Variants in DZIP3 observed in about 807,000 individuals in gnomAD.
The protein encoded by DZIP3 is DAZ interacting zinc finger protein 3.
DZIP3 carries 118 observed loss-of-function variants against 162.0 expected under a neutral mutation model. The ratio of observed to expected loss-of-function variants is 0.73; its 90% CI spans 0.63 to 0.85. The LOEUF (loss-of-function observed/expected upper bound fraction) is 0.85, where lower values mean the gene tolerates loss of function less well. DZIP3 is among the 40% of genes least tolerant of loss of function. The pLI is 0.00. For synonymous variants in DZIP3, 438 were observed against 458.6 expected (o/e 0.96, Z 0.57); for missense variants, 1,331 against 1,407.0 (o/e 0.95, Z 0.86).
chr3:108,636,506 C>A, intron 10 of DZIP3, 110 bp from the exon 11 acceptor site: 1 of 613,946 alleles, frequency 1.6e-6, no homozygotes, highest in South Asian at 2.8e-5. Flanking sequence ...TCACATCTTC[C>A]AGTTTACTGT....
Position 108,679,895 on chromosome 3 carries a change from A to G in DZIP3, c.2883+2297A>G, listed in dbSNP as rs577808952. ...GTTCCCAGTTTAACCCAGTAATTCT[A>G]TGTGTTTCATTGTATCTTGATTTTT... On this transcript the variant is annotated intron_variant, in intron 26 of 32. Coordinates refer to ENST00000361582, the MANE Select transcript of DZIP3 (RefSeq NM_014648.4). Among the ~76,000 whole-genome samples the G allele has an allele frequency of 1.4e-4, 22 of 152,188 alleles. No homozygotes were observed. In the East Asian group the frequency reaches 2.5e-3, roughly 17 times the overall value.
At chr3:108,652,113 T>G (rs1302998268) in intron 18 of DZIP3, among the ~76,000 whole-genome samples, 1 of 151,624 alleles carries the variant, frequency 6.6e-6, no homozygotes, top group Admixed American at 6.6e-5. Flanking sequence ...TGAAACAATG[T>G]CATCAATCAC....
Position 108,651,182 on chromosome 3 carries a change from A to AT in DZIP3, c.2033+25dup. ...CCAAGTGTAAGTATTAGTTTATTTA[A>AT]TTTTTAAATTTTTCTTAGTATTTTT... is the stretch of plus-strand genomic sequence containing the variant. On this transcript the variant is annotated intron_variant, in intron 18 of 32. Coordinates refer to ENST00000361582, the MANE Select transcript of DZIP3 (RefSeq NM_014648.4). 1 of 708,942 alleles carries AT rather than the reference A, an allele frequency of 1.4e-6. No homozygotes were observed. Among genetic ancestry groups the AT allele is most frequent in the Non-Finnish European group, 1.9e-6 (1 of 513,088 alleles). The allele number at this position is 708,942 out of a possible 1,614,324, so 43.9% of individuals were successfully genotyped here.
rs151206451 is a variant in DZIP3 at position 108,644,517 on chromosome 3, T to C, written c.1495T>C (p.Ser499Pro). The C allele has an allele frequency of 4.3e-6, 7 of 1,614,020 alleles. No homozygotes were observed. Among genetic ancestry groups the C allele is most frequent in the Admixed American group, 3.3e-5 (2 of 59,990 alleles). Residue 499 changes from serine to proline, a missense_variant, in exon 14 of 33, where the codon TCT becomes CCT. Ser to Pro is a moderately conservative substitution (Grantham distance 74). Around this residue, in one of 2 missense-constraint regions of DZIP3, gnomAD observed 1,278 missense variants for 1,317.1 expected, o/e 0.97. Transcript: ENST00000361582. The stretch of plus-strand genomic sequence containing the variant: ...ACCGCCATCTTCTGACATCTCTAAA[T>C]CTGCAGACATCCTGAGACTGTGCAA... ...MEPPSSDISK[S>P]ADILRLCKYR...
intron 32 of DZIP3, among the ~76,000 whole-genome samples, chr3:108,692,082 A>G (rs1201626652): frequency 6.6e-6 from 1 of 152,118 alleles, no homozygotes; most frequent in Non-Finnish European, 1.5e-5. Context: ...GCAGGCTCCT[A>G]TTGAAATAAC....
At chr3:108,626,047 A>G in intron 7 of DZIP3, 78 bp downstream of exon 7, 1 of 1,463,080 alleles carries the variant, frequency 6.8e-7, no homozygotes, top group Non-Finnish European at 9.2e-7. Flanking sequence ...TGCACAGTAT[A>G]TCAGGCATTG....
chr3:108,665,133 C>G (rs920670067), intron 21 of DZIP3, among the ~76,000 whole-genome samples: 4 of 152,002 alleles, frequency 2.6e-5, no homozygotes, highest in Non-Finnish European at 4.4e-5. Context: ...GGCAAAAGAC[C>G]AACAAATGAC....
At chr3:108,661,594 C>A (rs922962125) in intron 19 of DZIP3, among the ~76,000 whole-genome samples, 3 of 151,906 alleles carry the variant, frequency 2.0e-5, no homozygotes, top group Admixed American at 1.3e-4. Context: ...ATGTAACAAA[C>A]CTGCACATTG....
In DZIP3 at chr3:108,632,965, A is replaced by G; in HGVS notation, c.709A>G (p.Asn237Asp). The G allele has an allele frequency of 2.1e-6, 3 of 1,406,024 alleles. No individual in the cohort carries two copies. The highest frequency in any genetic ancestry group is 1.6e-5 in the South Asian group (1 of 63,066). 87.1% of individuals were successfully genotyped at this position (1,406,024 alleles called of 1,614,324 possible). A position where few individuals can be genotyped will look rare whatever the true frequency, so the allele number is the denominator to read the frequency against. ...LPTTFKDLLN[N>D]FIKTTESNIM... ...TTTTAAAATCTAGGATCTTCTTAATAATTTTATCAAGACAACTGAAAGCAA... is the reference window on the plus strand; with the variant it reads ...TTTTAAAATCTAGGATCTTCTTAATGATTTTATCAAGACAACTGAAAGCAA... Residue 237 changes from asparagine (N) to aspartate (D), a missense_variant, in exon 9 of 33, where the codon AAT becomes GAT. Asn to Asp is a conservative substitution (Grantham distance 23, BLOSUM62 1). Around this residue, in one of 2 missense-constraint regions of DZIP3, gnomAD observed 1,278 missense variants for 1,317.1 expected, o/e 0.97. Coordinates refer to ENST00000361582, the MANE Select transcript of DZIP3 (RefSeq NM_014648.4).
chr3:108,607,400 C>T (rs912171009), intron 2 of DZIP3, among the ~76,000 whole-genome samples: 1 of 152,168 alleles, frequency 6.6e-6, no homozygotes, highest in African/African-American at 2.4e-5. Flanking sequence ...AGTGTTATCT[C>T]TGCTGGTGTC....
chr3:108,648,842 G>A (rs1425931344), intron 16 of DZIP3, 76 bp from the exon 17 acceptor site: 1 of 735,162 alleles, frequency 1.4e-6, no homozygotes, highest in African/African-American at 1.9e-5. Context: ...TCAGTGGTGA[G>A]AGGAAATATA....
intron 21 of DZIP3, among the ~76,000 whole-genome samples, chr3:108,669,443 C>G (rs1943835351): frequency 6.6e-6 from 1 of 151,866 alleles, no homozygotes; most frequent in South Asian, 2.1e-4. Context: ...CTTTTGCTTT[C>G]TAATTTACTG....
chr3:108,621,760 A>G (rs1941360173), intron 5 of DZIP3, among the ~76,000 whole-genome samples: 1 of 152,228 alleles, frequency 6.6e-6, no homozygotes. Flanking sequence ...CTGCTGGGAT[A>G]TACCCAAAAG....
chr3:108,688,948 A>T (rs754428617), intron 31 of DZIP3, 24 bp downstream of exon 31: 1 of 1,596,252 alleles, frequency 6.3e-7, no homozygotes, highest in South Asian at 1.1e-5. Flanking sequence ...TTTTCCCATT[A>T]ATCAGCTAAA....
Position 108,605,317 on chromosome 3 carries a change from A to T in DZIP3, c.-72-18A>T, listed in dbSNP as rs1288744584. Reference sequence around the variant, plus strand: ...GTGTAACTTTCCTATCTTCATAAAAATATTATTTTCCTTACAGCATTAAAG... The same window carrying T: ...GTGTAACTTTCCTATCTTCATAAAATTATTATTTTCCTTACAGCATTAAAG... On this transcript the variant is annotated intron_variant, in intron 1 of 32. Transcript: ENST00000361582. 6.5e-7 allele frequency: 1 copy of T among 1,526,956 alleles called. No homozygotes were observed. Among genetic ancestry groups the T allele is most frequent in the African/African-American group, 1.4e-5 (1 of 71,782 alleles). The allele number at this position is 1,526,956 out of a possible 1,614,324, so 94.6% of individuals were successfully genotyped here.
intron 5 of DZIP3, among the ~76,000 whole-genome samples, chr3:108,620,123 A>G (rs1049595503): frequency 9.9e-5 from 15 of 152,154 alleles, no homozygotes; most frequent in African/African-American, 3.6e-4. Context: ...AGGTTCCTCC[A>G]TATTTTCTCC....
At chr3:108,628,973 A>G in intron 7 of DZIP3, 89 bp from the exon 8 acceptor site, 1 of 768,638 alleles carries the variant, frequency 1.3e-6, no homozygotes, top group South Asian at 2.1e-5. Flanking sequence ...CCTATTTACC[A>G]CAAAAAAAGG....
At chr3:108,601,259 G>T (rs1402694154) in intron 1 of DZIP3, among the ~76,000 whole-genome samples, 2 of 152,098 alleles carry the variant, frequency 1.3e-5, no homozygotes, top group Admixed American at 6.6e-5. Context: ...GTGTGTGGAT[G>T]TGTGGGTGTG....
At chr3:108,631,055 A>ACACACACACTCTCTCTCTCTCTCTCT in intron 8 of DZIP3, among the ~76,000 whole-genome samples, 3 of 18,012 alleles carry the variant, frequency 1.7e-4, no homozygotes, top group African/African-American at 5.6e-4. Flanking sequence ...ACACACACAC[A>ACACACACACTCTCTCTCTCTCTCTCT]CTCTCTCTCT....
Sources: gnomAD v4.1 joint callset for allele counts (sites outside exome capture counted in the v4.1 genomes callset) on GRCh38, gnomAD v4.1.1 for gene constraint, gnomAD v4.1.1 regional missense constraint, MANE v1.5 for transcripts, NCBI Gene and HGNC (gene_info 2026-07-23, HGNC 2026-07-21) for gene names.